The following ZP3 variants were observed in gnomAD, a reference collection of about 807,000 sequenced individuals.
ZP3 encodes the protein zona pellucida glycoprotein 3.
ZP3 carries 21 observed loss-of-function variants against 35.6 expected under a neutral mutation model. The observed-to-expected ratio is 0.59, with a 90% CI of 0.42 to 0.85. ZP3 has a LOEUF of 0.85. ZP3 is among the 40% of genes least tolerant of loss of function. The pLI is 0.00. For synonymous variants in ZP3, 207 were observed against 214.5 expected, an observed-to-expected ratio of 0.96 and a Z score of 0.31; for missense variants, 437 against 536.5, an observed-to-expected ratio of 0.81 and a Z score of 1.83.
At chr7:76,429,746 C>A in intron 2 of ZP3, 113 bp downstream of exon 2, 1 of 888,524 alleles carries the variant, frequency 1.1e-6, no homozygotes, top group Non-Finnish European at 1.8e-6. Context: ...GAACTACCTA[C>A]CGAAGCATTT....
At chr7:76,408,890 G>T (rs1563688994) in intron 1 of ZP3, among the ~76,000 whole-genome samples, 1 of 152,076 alleles carries the variant, frequency 6.6e-6, no homozygotes, top group Non-Finnish European at 1.5e-5. Flanking sequence ...CTAACACAGC[G>T]GTTCATATTG....
upstream of ZP3, among the ~76,000 whole-genome samples, chr7:76,423,179 GAGAGAGAGGGAA>G (rs2115875485): frequency 1.3e-5 from 2 of 151,384 alleles, no homozygotes; most frequent in South Asian, 4.2e-4. Context: ...GAGAGAGAGG[GAGAGAGAGGGAA>G]AGAGAGAGGG....
chr7:76,432,299 C>T (rs1427979820), intron 2 of ZP3, among the ~76,000 whole-genome samples: 1 of 152,044 alleles, frequency 6.6e-6, no homozygotes, highest in African/African-American at 2.4e-5. Flanking sequence ...CGCCATTCTC[C>T]TGCCTCAGCC....
At chr7:76,416,258 G>A (rs1298624561) in intron 1 of ZP3, among the ~76,000 whole-genome samples, 2 of 145,416 alleles carry the variant, frequency 1.4e-5, no homozygotes, top group Non-Finnish European at 3.0e-5. Flanking sequence ...TGAAACTCTG[G>A]CTCTACAAAA....
chr7:76,432,031 T>C (rs993760598), intron 2 of ZP3, among the ~76,000 whole-genome samples: 2 of 151,206 alleles, frequency 1.3e-5, no homozygotes, highest in African/African-American at 2.4e-5. Flanking sequence ...TTTGGTTTTT[T>C]GTTTAAAAAA....
At chr7:76,425,397 G>C (rs978990210) in intron 1 of ZP3, 121 bp downstream of exon 1, 4 of 1,122,130 alleles carry the variant, frequency 3.6e-6, no homozygotes, top group Non-Finnish European at 4.9e-6. Context: ...TGTAGGTGGG[G>C]AGGTGGCCCA....
chr7:76,412,983 G>A (rs1284323713), intron 1 of ZP3, among the ~76,000 whole-genome samples: 1 of 58,652 alleles, frequency 1.7e-5, no homozygotes, highest in Non-Finnish European at 3.9e-5. Context: ...TTTTTTTTGA[G>A]ACGGAGTCTT....
At position 76,425,119 on chromosome 7, in the gene ZP3, T is replaced by C; in HGVS notation, c.155T>C (p.Met52Thr). 1.9e-6 allele frequency: 3 copies of C among 1,613,986 alleles called. No individual in the cohort carries two copies. The highest frequency in any genetic ancestry group is 2.5e-6 in the Non-Finnish European group (3 of 1,180,018). The change falls in exon 1 of 8, where the codon ATG becomes ACG. Residue 52 changes from methionine (M) to threonine (T), a missense_variant. By Grantham distance (81) the Met-to-Thr change is moderately conservative (BLOSUM62 -1). Coordinates refer to ENST00000394857, the MANE Select transcript of ZP3 (RefSeq NM_001110354.2). Reference protein sequence around the residue: ...VLVECQEATLMVMVSKDLFGT... With the variant: ...VLVECQEATLTVMVSKDLFGT... ...GTGGAGTGTCAGGAGGCCACTCTGA[T>C]GGTCATGGTCAGCAAAGACCTTTTT...
At chr7:76,404,168 C>A in intron 1 of ZP3, 1 of 1,278,646 alleles carries the variant, frequency 7.8e-7, no homozygotes, top group South Asian at 1.7e-5. Context: ...GCTCTTTTGT[C>A]AACTCTGGGC....
At chr7:76,438,856 G>A (rs1468974928) in intron 5 of ZP3, among the ~76,000 whole-genome samples, 2 of 125,720 alleles carry the variant, frequency 1.6e-5, no homozygotes, top group Non-Finnish European at 3.3e-5. Flanking sequence ...AAGTCTGGCC[G>A]GGCGCAGTGG....
chr7:76,419,233 G>T (rs934874033), intron 1 of ZP3, among the ~76,000 whole-genome samples: 5 of 152,154 alleles, frequency 3.3e-5, no homozygotes, highest in African/African-American at 9.7e-5. Context: ...ATTATTTTTG[G>T]AGGGTAGGGT....
rs146956663 is a variant in ZP3 at position 76,400,310 on chromosome 7, C to T, written c.-67+2513C>T. On this transcript the variant is annotated intron_variant, in intron 1 of 8. Coordinates refer to the ZP3 transcript ENST00000336517. ...CCATCACACAGGACAGCCACATCCT[C>T]GTAGTGAAAGCAATTGTGGACGCCC... 27 of 1,501,660 alleles carry T rather than the reference C, an allele frequency of 1.8e-5. No homozygotes were observed. The highest frequency in any genetic ancestry group is 1.3e-4 in the Admixed American group (6 of 44,704). 93.0% of individuals were successfully genotyped at this position (1,501,660 alleles called of 1,614,324 possible). A position where few individuals can be genotyped will look rare whatever the true frequency, so the allele number is the denominator to read the frequency against.
In ZP3 at chr7:76,400,662, C is replaced by T. The variant is rs570102705; in HGVS notation, c.-67+2865C>T. The T allele has an allele frequency of 8.0e-6, 11 of 1,370,122 alleles. No individual in the cohort carries two copies. The South Asian group carries it at 1.4e-4, about 18-fold the overall frequency. 84.9% of individuals were successfully genotyped at this position (1,370,122 alleles called of 1,614,324 possible). On this transcript the variant is annotated intron_variant, in intron 1 of 8. Transcript: ENST00000336517. ...CTCCAGCATGCCCACTCCAGGATGTCCTTTTATTTTATTATTATTTTTTTT... is the reference window on the plus strand; with the variant it reads ...CTCCAGCATGCCCACTCCAGGATGTTCTTTTATTTTATTATTATTTTTTTT...
intron 1 of ZP3, among the ~76,000 whole-genome samples, chr7:76,413,358 G>A (rs904304620): frequency 1.3e-5 from 2 of 151,882 alleles, no homozygotes; most frequent in Non-Finnish European, 2.9e-5. Context: ...GGGCTCAAGC[G>A]ATCCTTCCGC....
chr7:76,417,007 A>G (rs1019096), intron 1 of ZP3, among the ~76,000 whole-genome samples: 86,082 of 145,392 alleles, frequency 0.59, 26,559 homozygotes, highest in African/African-American at 0.75. Context: ...AGTGAAAAGC[A>G]TCCCCATATA....
At chr7:76,433,905 G>T (rs1805913677) in intron 4 of ZP3, 133 bp from the exon 5 acceptor site, 3 of 856,538 alleles carry the variant, frequency 3.5e-6, no homozygotes, top group South Asian at 1.8e-5. Context: ...CACCATGTTT[G>T]CCAGGCTAGT....
rs552254519 is a variant in ZP3 at position 76,418,725 on chromosome 7, A to G, written c.-66-6327A>G. Among the ~76,000 whole-genome samples, 977 of 148,804 alleles carry G rather than the reference A, an allele frequency of 6.6e-3. 7 individuals carry two copies. The highest frequency in any genetic ancestry group is 9.8e-3 in the Non-Finnish European group (663 of 67,950). The stretch of plus-strand genomic sequence containing the variant: ...CAAAAAATTAGCCGGGCGTGGTGGC[A>G]GGCGCCTATAGTCCCAGCTACTTGG... On this transcript the variant is annotated intron_variant, in intron 1 of 8. Coordinates refer to the ZP3 transcript ENST00000336517.
At chr7:76,415,826 T>C (rs1240125841) in intron 1 of ZP3, among the ~76,000 whole-genome samples, 3 of 151,282 alleles carry the variant, frequency 2.0e-5, no homozygotes, top group Non-Finnish European at 4.4e-5. Flanking sequence ...TTTTAAACAC[T>C]CTATAATAAA....
chr7:76,417,940 C>T (rs11983133), intron 1 of ZP3, among the ~76,000 whole-genome samples: 6,814 of 120,956 alleles, frequency 0.056, 604 homozygotes, highest in African/African-American at 0.22. Context: ...TTCTTTCTTT[C>T]TTTTTTTTTT....
Sources: gnomAD v4.1 joint callset for allele counts (sites outside exome capture counted in the v4.1 genomes callset) on GRCh38, gnomAD v4.1.1 for gene constraint, MANE v1.5 for transcripts, NCBI Gene and HGNC (gene_info 2026-07-23, HGNC 2026-07-21) for gene names.